The following MAPK10 variants were observed in gnomAD, a reference collection of about 807,000 sequenced individuals.
MAPK10 encodes mitogen-activated protein kinase 10, also known as JNK3 alpha protein kinase.
In MAPK10, 25 loss-of-function variants were observed where a neutral mutation model predicts 59.3. That is an observed-to-expected ratio of 0.42 (90% CI 0.31 to 0.59). The LOEUF (loss-of-function observed/expected upper bound fraction) is 0.59, where lower values mean the gene tolerates loss of function less well. MAPK10 is among the 20% of genes least tolerant of loss of function. MAPK10 has a pLI of 0.15. For synonymous variants in MAPK10, 190 were observed against 200.5 expected, an observed-to-expected ratio of 0.95 and a Z score of 0.44; for missense variants, 351 against 568.9, an observed-to-expected ratio of 0.62 and a Z score of 3.90.
In MAPK10 at chr4:86,101,875, C is replaced by T; in HGVS notation, c.564+19G>A. On this transcript the variant is annotated intron_variant, in intron 7 of 13. Transcript: ENST00000641462. ...CTCTTAAAGCATTTGAATTGTAATC[C>T]TAGAGAAGGTGTTCTTACCCTGTGA... is the stretch of plus-strand genomic sequence containing the variant. 7 of 1,612,928 alleles carry T rather than the reference C, an allele frequency of 4.3e-6. No individual in the cohort carries two copies. The highest frequency in any genetic ancestry group is 1.1e-5 in the South Asian group (1 of 90,964).
chr4:86,292,387 A>G (rs1031330547), intron 2 of MAPK10, among the ~76,000 whole-genome samples: 4 of 152,154 alleles, frequency 2.6e-5, no homozygotes, highest in African/African-American at 9.7e-5. Context: ...ACATTTGGGT[A>G]AGTGAATGAG....
chr4:86,193,604 C>T (rs1582462006), intron 3 of MAPK10: 1 of 152,408 alleles, frequency 6.6e-6, no homozygotes, highest in South Asian at 2.1e-4. Context: ...CCCCTCCCCC[C>T]AACCAAGCTT....
chr4:86,547,563 C>A (rs139648671), intron 1 of MAPK10, among the ~76,000 whole-genome samples: 1 of 152,176 alleles, frequency 6.6e-6, no homozygotes, highest in African/African-American at 2.4e-5. Context: ...TCCTGTGCCG[C>A]GGAGCCTCCC....
chr4:86,425,673 A>C (rs1301080744), intron 1 of MAPK10, among the ~76,000 whole-genome samples: 2 of 152,172 alleles, frequency 1.3e-5, no homozygotes, highest in African/African-American at 4.8e-5. Flanking sequence ...ATAAATTAAG[A>C]TCCTTAATTT....
intron 2 of MAPK10, among the ~76,000 whole-genome samples, chr4:86,245,923 A>T (rs1015476450): frequency 6.6e-6 from 1 of 152,214 alleles, no homozygotes; most frequent in Non-Finnish European, 1.5e-5. Context: ...TAAATACTTT[A>T]TCTGTAATTG....
intron 1 of MAPK10, among the ~76,000 whole-genome samples, chr4:86,562,018 A>G (rs1760715102): frequency 6.6e-6 from 1 of 152,164 alleles, no homozygotes; most frequent in Non-Finnish European, 1.5e-5. Context: ...ATTGACTCTT[A>G]CTTCTAACTT....
At chr4:86,508,645 T>C (rs1358330363) in intron 1 of MAPK10, among the ~76,000 whole-genome samples, 6 of 152,184 alleles carry the variant, frequency 3.9e-5, no homozygotes, top group Non-Finnish European at 4.4e-5. Context: ...GTTATGTGTG[T>C]CTGTAAATGA....
chr4:86,074,187 G>A (rs1420030229), intron 9 of MAPK10, among the ~76,000 whole-genome samples: 1 of 124,194 alleles, frequency 8.1e-6, no homozygotes, highest in East Asian at 2.1e-4. Context: ...TTGGCTTAAA[G>A]TCTGTTTTAT....
chr4:86,143,302 A>T (rs557484769), intron 4 of MAPK10, among the ~76,000 whole-genome samples: 35 of 152,232 alleles, frequency 2.3e-4, no homozygotes, highest in Admixed American at 6.5e-4. Context: ...TCAAGATGAG[A>T]TTTTGGGTGG....
intron 6 of MAPK10, 35 bp from the exon 7 acceptor site, chr4:86,102,067 C>T (rs1284761634): frequency 1.2e-6 from 2 of 1,604,112 alleles, no homozygotes; most frequent in South Asian, 1.1e-5. Flanking sequence ...AGTTCCAGAT[C>T]ACAAGATCTA....
chr4:86,223,440 A>C (rs2090034838), intron 2 of MAPK10, among the ~76,000 whole-genome samples: 1 of 152,184 alleles, frequency 6.6e-6, no homozygotes, highest in Non-Finnish European at 1.5e-5. Context: ...TTAGAACAGC[A>C]TTGCTGGCTG....
intron 2 of MAPK10, among the ~76,000 whole-genome samples, chr4:86,294,510 A>G (rs570820904): frequency 1.3e-5 from 2 of 152,076 alleles, no homozygotes; most frequent in South Asian, 2.1e-4. Context: ...CAGCCCAGAG[A>G]ATTGCCCTCC....
intron 11 of MAPK10, among the ~76,000 whole-genome samples, chr4:86,033,495 C>T (rs1435947970): frequency 6.6e-6 from 1 of 152,234 alleles, no homozygotes; most frequent in Admixed American, 6.5e-5. Flanking sequence ...CTCAAGAGTA[C>T]AGTTCCTGCC....
At chr4:86,259,316 TTC>T (rs1315739632) in intron 2 of MAPK10, among the ~76,000 whole-genome samples, 2 of 152,174 alleles carry the variant, frequency 1.3e-5, no homozygotes, top group African/African-American at 4.8e-5. Context: ...ATCTAATGTC[TTC>T]TTAAACATCT....
At chr4:86,471,269 C>A (rs1383218216) in intron 1 of MAPK10, among the ~76,000 whole-genome samples, 3 of 137,600 alleles carry the variant, frequency 2.2e-5, no homozygotes, top group Non-Finnish European at 4.7e-5. Flanking sequence ...ACTCTGTGCC[C>A]CCCTGCAAAA....
At chr4:86,335,237 A>G (rs1221720751) in intron 2 of MAPK10, 1 of 152,222 alleles carries the variant, frequency 6.6e-6, no homozygotes, top group Non-Finnish European at 1.5e-5. Flanking sequence ...AAATATTAAC[A>G]ATTTGTTGTA....
At chr4:86,109,992 C>G (rs1041212511) in intron 4 of MAPK10, among the ~76,000 whole-genome samples, 8 of 152,104 alleles carry the variant, frequency 5.3e-5, no homozygotes, top group Admixed American at 2.6e-4. Context: ...TAATGTTGAG[C>G]TTTTTTTCAT....
At chr4:86,532,374 AT>A (rs1757917130) in intron 1 of MAPK10, among the ~76,000 whole-genome samples, 1 of 152,130 alleles carries the variant, frequency 6.6e-6, no homozygotes. Context: ...AAAGATAAAC[AT>A]TTTCTACTGA....
intron 1 of MAPK10, among the ~76,000 whole-genome samples, chr4:86,458,597 A>C (rs934509536): frequency 6.6e-6 from 1 of 152,160 alleles, no homozygotes; most frequent in African/African-American, 2.4e-5. Context: ...AGAATAGAAA[A>C]CCCAGAAATA....
Sources: gnomAD v4.1 joint callset for allele counts (sites outside exome capture counted in the v4.1 genomes callset) on GRCh38, gnomAD v4.1.1 for gene constraint, MANE v1.5 for transcripts, NCBI Gene and HGNC (gene_info 2026-07-23, HGNC 2026-07-21) for gene names.